TMEM245: variants seen among roughly 807,000 people sequenced by gnomAD.
TMEM245 encodes the protein transmembrane protein 245, also known as protein CG-2.
A neutral mutation model predicts 101.2 loss-of-function variants in TMEM245; 69 were observed. The observed-to-expected ratio is 0.68, with a 90% CI of 0.56 to 0.83. TMEM245 has a LOEUF of 0.83. TMEM245 is among the 40% of genes least tolerant of loss of function. The pLI is 0.00. For synonymous variants in TMEM245, 537 were observed against 449.8 expected (o/e 1.19, Z -2.45); for missense variants, 1,075 against 1,092.8 (o/e 0.98, Z 0.23).
intron 12 of TMEM245, among the ~76,000 whole-genome samples, chr9:109,054,637 A>G (rs544302310): frequency 6.6e-6 from 1 of 152,338 alleles, no homozygotes; most frequent in African/African-American, 2.4e-5. Flanking sequence ...AAAAACTGAC[A>G]AAGCAAATAA....
intron 8 of TMEM245, among the ~76,000 whole-genome samples, chr9:109,075,030 C>T (rs561424670): frequency 2.5e-4 from 38 of 152,220 alleles, no homozygotes; most frequent in African/African-American, 9.2e-4. Context: ...CATAATCTTA[C>T]TTAGATGTTT....
chr9:109,056,160 C>T (rs1392841087), intron 12 of TMEM245, among the ~76,000 whole-genome samples: 2 of 151,952 alleles, frequency 1.3e-5, no homozygotes, highest in African/African-American at 2.4e-5. Flanking sequence ...GAGGTAAATA[C>T]CCAGGGAAAG....
In TMEM245 at chr9:109,093,491, G is replaced by C; in HGVS notation, c.900C>G (p.Pro300=). ...TGYESSSEDQ[P]STQPAEAVDR... ...ATCAGTCACCTGCAGGCTGAGTGGA[G>C]GGCTGGTCTTCACTGCTTGATTCAT... The change falls in exon 4 of 18, where the codon CCC becomes CCG. Residue 300 remains proline, a synonymous_variant. Coordinates refer to ENST00000374586, the MANE Select transcript of TMEM245 (RefSeq NM_032012.4). The C allele has an allele frequency of 6.2e-7, 1 of 1,613,792 alleles. No homozygotes were observed. Among genetic ancestry groups the C allele is most frequent in the Non-Finnish European group, 8.5e-7 (1 of 1,179,896 alleles).
chr9:109,067,634 C>T (rs1308485085), intron 9 of TMEM245, among the ~76,000 whole-genome samples: 1 of 152,204 alleles, frequency 6.6e-6, no homozygotes, highest in Non-Finnish European at 1.5e-5. Context: ...CAGGAATCAA[C>T]AGGCTTGAGA....
In TMEM245 at chr9:109,087,231, G is replaced by A; in HGVS notation, c.1262C>T (p.Ala421Val). 6.2e-7 allele frequency: 1 copy of A among 1,613,554 alleles called. No individual in the cohort carries two copies. The highest frequency in any genetic ancestry group is 8.5e-7 in the Non-Finnish European group (1 of 1,179,828). Residue 421 changes from alanine to valine, a missense_variant, in exon 6 of 18, where the codon GCT becomes GTT. Physicochemically the swap from Ala to Val is moderately conservative, Grantham distance 64 (BLOSUM62 0). Around this residue, in one of 2 missense-constraint regions of TMEM245, gnomAD observed 808 missense variants for 741.5 expected, o/e 1.09. Coordinates refer to ENST00000374586, the MANE Select transcript of TMEM245 (RefSeq NM_032012.4). ...CCCGACAATGGGCCAAGGCGCGAGAGCTCCCTGCCGCTCCTTCAGGAAGCT... is the reference window on the plus strand; with the variant it reads ...CCCGACAATGGGCCAAGGCGCGAGAACTCCCTGCCGCTCCTTCAGGAAGCT... ...IESFLKERQG[A>V]LAPWPIVGLG...
chr9:109,037,124 G>T (rs1460486369), intron 15 of TMEM245, among the ~76,000 whole-genome samples: 6 of 152,136 alleles, frequency 3.9e-5, no homozygotes, highest in Non-Finnish European at 7.3e-5. Context: ...GGAAGGCAGA[G>T]ATATTTAGGA....
At chr9:109,034,427 A>C (rs142279138) in intron 16 of TMEM245, among the ~76,000 whole-genome samples, 153 of 152,332 alleles carry the variant, frequency 1.0e-3, no homozygotes, top group Middle Eastern at 3.4e-3. Context: ...CTTCTTCCCT[A>C]AACAACACAT....
rs1165950520 is a variant in TMEM245, at chr9:109,119,731, C to G, written c.183G>C (p.Leu61=). The change falls in exon 1 of 18, where the codon CTG becomes CTC. Residue 61 remains leucine, a synonymous_variant. Transcript: ENST00000374586. ...CGGCGCCGCAGCACAGGCACACGAACAGCACGGCCCCGGTGTTGTAGAAGG... is the reference window on the plus strand; with the variant it reads ...CGGCGCCGCAGCACAGGCACACGAAGAGCACGGCCCCGGTGTTGTAGAAGG... The part of the protein sequence containing the change: ...KQAFYNTGAV[L]FVCLCCGAAV... 14 of 1,541,424 alleles carry G rather than the reference C, an allele frequency of 9.1e-6. No individual in the cohort carries two copies. The highest frequency in any genetic ancestry group is 1.0e-5 in the Non-Finnish European group (12 of 1,149,214).
chr9:109,086,303 T>C (rs1164367083), intron 6 of TMEM245, among the ~76,000 whole-genome samples: 1 of 152,216 alleles, frequency 6.6e-6, no homozygotes, highest in Admixed American at 6.5e-5. Flanking sequence ...GTAGGCTTAG[T>C]GTCTCCATGC....
At position 109,042,392 on chromosome 9, in the gene TMEM245, C is replaced by T. The variant is rs1261056492; in HGVS notation, c.2124-4275G>A. 5 of 151,876 alleles carry T rather than the reference C, an allele frequency of 3.3e-5. No homozygotes were observed. In the East Asian group the frequency reaches 9.6e-4, roughly 29 times the overall value. 9.4% of individuals were successfully genotyped at this position (151,876 alleles called of 1,614,324 possible). On this transcript the variant is annotated intron_variant, in intron 14 of 17. Coordinates refer to ENST00000374586, the MANE Select transcript of TMEM245 (RefSeq NM_032012.4). ...CTTTTTTAGTAGTTTTTTTTTTAGG[C>T]TAGCCAAGTAAAGCAGTGAGAGCAG...
intron 12 of TMEM245, among the ~76,000 whole-genome samples, chr9:109,053,746 C>T (rs1371418989): frequency 1.3e-5 from 2 of 152,206 alleles, no homozygotes; most frequent in Non-Finnish European, 2.9e-5. Context: ...GAGCCATCAG[C>T]CCACCTTCTA....
At chr9:109,115,308 C>T (rs1470731173) in intron 1 of TMEM245, among the ~76,000 whole-genome samples, 1 of 151,974 alleles carries the variant, frequency 6.6e-6, no homozygotes, top group Non-Finnish European at 1.5e-5. Flanking sequence ...CACACCATTG[C>T]ACTCCAGCCT....
At chr9:109,096,274 C>T (rs1314295411) in intron 3 of TMEM245, among the ~76,000 whole-genome samples, 1 of 152,126 alleles carries the variant, frequency 6.6e-6, no homozygotes, top group Admixed American at 6.5e-5. Flanking sequence ...GCCAGGAGTT[C>T]GAGACCAGCA....
At chr9:109,025,937 G>A (rs1827778431) in intron 17 of TMEM245, among the ~76,000 whole-genome samples, 1 of 152,190 alleles carries the variant, frequency 6.6e-6, no homozygotes. Context: ...TAGGGAGAAT[G>A]GGCATTCATC....
intron 9 of TMEM245, among the ~76,000 whole-genome samples, chr9:109,066,716 A>G (rs961790455): frequency 6.6e-6 from 1 of 151,780 alleles, no homozygotes; most frequent in Non-Finnish European, 1.5e-5. Flanking sequence ...TATTATATTG[A>G]TATTATATAT....
intron 2 of TMEM245, among the ~76,000 whole-genome samples, chr9:109,107,778 G>T (rs111603947): frequency 2.0e-5 from 3 of 152,164 alleles, no homozygotes; most frequent in Non-Finnish European, 4.4e-5. Context: ...CTTGGGAGAT[G>T]AAAGTCTCAA....
At chr9:109,044,762 G>GTTT (rs5899833) in intron 14 of TMEM245, among the ~76,000 whole-genome samples, 17 of 136,056 alleles carry the variant, frequency 1.2e-4, no homozygotes, top group African/African-American at 1.9e-4. Context: ...TATCATTTTG[G>GTTT]TTTTTTTTTT....
At position 109,022,578 on chromosome 9, in the gene TMEM245, T is replaced by C. The variant is rs938028331; in HGVS notation, c.2595-2073A>G. Among the ~76,000 whole-genome samples the C allele has an allele frequency of 5.3e-5, 8 of 152,120 alleles. No homozygotes were observed. In the South Asian group the frequency reaches 1.7e-3, roughly 32 times the overall value. On this transcript the variant is annotated intron_variant, in intron 17 of 17. Transcript: ENST00000374586. ...TGTTTTGCAGCATCCCCGGCCTCTA[T>C]TCAACTAGAATGCCAATCAAAATGA...
intron 14 of TMEM245, chr9:109,046,443 TTGCAAA>T (rs1828495726): frequency 5.5e-6 from 2 of 360,700 alleles, no homozygotes; most frequent in Admixed American, 6.6e-5. Flanking sequence ...GAAAACCCAA[TTGCAAA>T]TGTATTCAAC....
Sources: gnomAD v4.1 joint callset for allele counts (sites outside exome capture counted in the v4.1 genomes callset) on GRCh38, gnomAD v4.1.1 for gene constraint, gnomAD v4.1.1 regional missense constraint, MANE v1.5 for transcripts, NCBI Gene and HGNC (gene_info 2026-07-23, HGNC 2026-07-21) for gene names.